PRKAG2: variants seen among roughly 807,000 people sequenced by gnomAD.
The protein encoded by PRKAG2 is protein kinase AMP-activated non-catalytic subunit gamma 2.
A neutral mutation model predicts 69.6 loss-of-function variants in PRKAG2; 26 were observed. That is an observed-to-expected ratio of 0.37 (90% CI 0.27 to 0.52). The LOEUF (loss-of-function observed/expected upper bound fraction) is 0.52, where lower values mean the gene tolerates loss of function less well. Among genes scored for constraint, PRKAG2 ranks in the 20% least tolerant of loss-of-function variants. PRKAG2 has a pLI of 0.90. For missense variants in PRKAG2, 557 were observed against 740.0 expected (o/e 0.75, Z 2.87); for synonymous variants, 293 against 285.0 (o/e 1.03, Z -0.28).
Position 151,567,605 on chromosome 7 carries a change from G to A in PRKAG2, c.1233+1111C>T, listed in dbSNP as rs1303532133. Among the ~76,000 whole-genome samples the A allele has an allele frequency of 2.0e-5, 3 of 152,038 alleles. No homozygotes were observed. Among genetic ancestry groups the A allele is most frequent in the South Asian group, 4.1e-4 (2 of 4,828 alleles). ...AGATGTCCAGTCTGATAAACAATGCGGATGCATCCCTAATCCCTTTTTCCT... is the reference window on the plus strand; with the variant it reads ...AGATGTCCAGTCTGATAAACAATGCAGATGCATCCCTAATCCCTTTTTCCT... On this transcript the variant is annotated intron_variant, in intron 11 of 15. Transcript: ENST00000287878. This position sits in a 1 kb window ranked among gnomAD's most constrained non-coding sequence, Gnocchi z 4.2.
At chr7:151,793,284 C>A (rs927605125) in intron 1 of PRKAG2, among the ~76,000 whole-genome samples, 1 of 152,212 alleles carries the variant, frequency 6.6e-6, no homozygotes, top group African/African-American at 2.4e-5. Context: ...GCGTGCACCG[C>A]CGGGGAAGGA....
intron 1 of PRKAG2, among the ~76,000 whole-genome samples, chr7:151,819,193 C>A (rs1164907227): frequency 6.6e-6 from 1 of 152,180 alleles, no homozygotes; most frequent in Admixed American, 6.5e-5. Context: ...CCTCCGAGGA[C>A]CCAGCTGCTG....
At chr7:151,874,601 C>T (rs1264118018) in intron 1 of PRKAG2, among the ~76,000 whole-genome samples, 6 of 151,954 alleles carry the variant, frequency 3.9e-5, no homozygotes, top group Non-Finnish European at 7.4e-5. Flanking sequence ...AGAGTTTTCC[C>T]GGGATGGGTG....
intron 3 of PRKAG2, among the ~76,000 whole-genome samples, chr7:151,772,805 C>T (rs185431166): frequency 6.6e-6 from 1 of 151,694 alleles, no homozygotes; most frequent in African/African-American, 2.4e-5. Context: ...GGGCAATACA[C>T]TGAGACCCAA....
intron 3 of PRKAG2, among the ~76,000 whole-genome samples, chr7:151,751,232 G>C (rs921189297): frequency 4.0e-5 from 6 of 151,590 alleles, no homozygotes; most frequent in Non-Finnish European, 7.4e-5. Flanking sequence ...CAAGTAGCTG[G>C]GACTACAGGT....
intron 1 of PRKAG2, among the ~76,000 whole-genome samples, chr7:151,821,693 A>T (rs1528976): frequency 6.6e-6 from 1 of 152,012 alleles, no homozygotes; most frequent in Non-Finnish European, 1.5e-5. Flanking sequence ...TCCTGAGCAC[A>T]CCATGAAGGA....
chr7:151,570,333 A>C, intron 9 of PRKAG2, 108 bp from the exon 10 acceptor site: 2 of 1,264,268 alleles, frequency 1.6e-6, no homozygotes, highest in Non-Finnish European at 2.2e-6. Flanking sequence ...GAAGGATTAA[A>C]AACTCAAATA....
At chr7:151,652,654 T>C (rs181306928) in intron 4 of PRKAG2, among the ~76,000 whole-genome samples, 10 of 152,254 alleles carry the variant, frequency 6.6e-5, no homozygotes, top group Admixed American at 5.9e-4. Flanking sequence ...TGGGTCTCTT[T>C]TTTCTTTTTG....
At position 151,721,077 on chromosome 7, in the gene PRKAG2, T is replaced by C. The variant is rs1321126226; in HGVS notation, c.467-45440A>G. On this transcript the variant is annotated intron_variant, in intron 3 of 15. Coordinates refer to ENST00000287878, the MANE Select transcript of PRKAG2 (RefSeq NM_016203.4). Reference sequence around the variant, plus strand: ...AGGGGCATGAAGGGGGCAGAGGGGATGGAGGGGACACAGAGGGCAGAGGGG... The same window carrying C: ...AGGGGCATGAAGGGGGCAGAGGGGACGGAGGGGACACAGAGGGCAGAGGGG... Among the ~76,000 whole-genome samples, 12 of 67,000 alleles carry C rather than the reference T, an allele frequency of 1.8e-4. No homozygotes were observed. In the East Asian group the frequency reaches 4.3e-3, roughly 24 times the overall value. 44.0% of individuals were successfully genotyped at this position (67,000 alleles called of 152,430 possible).
rs1825022962 is a variant in PRKAG2 at position 151,632,848 on chromosome 7, C to G, written c.685-710G>C. The G allele has an allele frequency of 6.6e-6, 1 of 152,552 alleles. No homozygotes were observed. Among genetic ancestry groups the G allele is most frequent in the Non-Finnish European group, 1.5e-5 (1 of 68,406 alleles). 9.4% of individuals were successfully genotyped at this position (152,552 alleles called of 1,614,324 possible). On this transcript the variant is annotated intron_variant, in intron 4 of 15. Transcript: ENST00000287878. This position sits in a 1 kb window ranked among gnomAD's most constrained non-coding sequence, Gnocchi z 4.2. ...GCATGGAACTCTTAATTCGCGTCCT[C>G]TCTTCGCAGCCGAGTGTCTTCTCGG...
At position 151,725,389 on chromosome 7, in the gene PRKAG2, C is replaced by T. The variant is rs1384365064; in HGVS notation, c.467-49752G>A. On this transcript the variant is annotated intron_variant, in intron 3 of 15. Transcript: ENST00000287878. The stretch of plus-strand genomic sequence containing the variant: ...GTGGCCTCCAGGGGCTGGGGAGGAG[C>T]ATGGGGAGTCAGGGTTGATGGGCCA... Among the ~76,000 whole-genome samples, 4 of 151,880 alleles carry T rather than the reference C, an allele frequency of 2.6e-5. No homozygotes were observed. The East Asian group carries it at 7.7e-4, about 29-fold the overall frequency.
Position 151,784,081 on chromosome 7 carries a change from C to T in PRKAG2, c.186+2389G>A, listed in dbSNP as rs547144556. On this transcript the variant is annotated intron_variant, in intron 2 of 15. Transcript: ENST00000287878. ...CATAAGCTGGTCCTGGGTGGAGGCC[C>T]GGGTTTGGTCACAGCTCAGTTTCCC... Among the ~76,000 whole-genome samples, 61 of 152,138 alleles carry T rather than the reference C, an allele frequency of 4.0e-4. 1 individual carries two copies. Among genetic ancestry groups the T allele is most frequent in the African/African-American group, 1.3e-3 (53 of 41,504 alleles).
In PRKAG2 at chr7:151,556,514, C is replaced by A. The variant is rs1460763062; in HGVS notation, c.*687G>T. The A allele has an allele frequency of 1.3e-5, 2 of 152,672 alleles. No individual in the cohort carries two copies. Among genetic ancestry groups the A allele is most frequent in the Non-Finnish European group, 2.9e-5 (2 of 68,054 alleles). 9.5% of individuals were successfully genotyped at this position (152,672 alleles called of 1,614,324 possible). Reference sequence around the variant, plus strand: ...CCAAACTTAAATAATGAGAAATTTGCCATTTCAAAATAACTGAGAGTTTAT... The same window carrying A: ...CCAAACTTAAATAATGAGAAATTTGACATTTCAAAATAACTGAGAGTTTAT... On this transcript the variant is annotated 3_prime_UTR_variant, in exon 16 of 16. Coordinates refer to ENST00000287878, the MANE Select transcript of PRKAG2 (RefSeq NM_016203.4).
At chr7:151,624,571 C>T (rs1011863885) in intron 5 of PRKAG2, among the ~76,000 whole-genome samples, 2 of 152,160 alleles carry the variant, frequency 1.3e-5, no homozygotes, top group South Asian at 2.1e-4. Flanking sequence ...GGCTCTGTTC[C>T]CCCTAACCTT....
intron 3 of PRKAG2, among the ~76,000 whole-genome samples, chr7:151,695,943 C>T (rs76061449): frequency 0.013 from 1,993 of 152,214 alleles, 22 homozygotes; most frequent in African/African-American, 0.017. Flanking sequence ...GGTGTTCATC[C>T]GGGCAGAGGA....
intron 1 of PRKAG2, among the ~76,000 whole-genome samples, chr7:151,808,911 T>C (rs920950877): frequency 1.3e-5 from 2 of 152,164 alleles, no homozygotes; most frequent in Non-Finnish European, 2.9e-5. Context: ...AGTGGGGCAC[T>C]TAAAGCTCCT....
intron 1 of PRKAG2, among the ~76,000 whole-genome samples, chr7:151,815,115 C>T (rs2078602639): frequency 6.6e-6 from 1 of 152,062 alleles, no homozygotes; most frequent in East Asian, 1.9e-4. Flanking sequence ...GGGTTTTTTT[C>T]CCCTCTGGCC....
chr7:151,814,834 C>A lies in PRKAG2; in HGVS notation c.115-28293G>T. On this transcript the variant is annotated intron_variant, in intron 1 of 15. Transcript: ENST00000287878. This position sits in a 1 kb window ranked among gnomAD's most constrained non-coding sequence, Gnocchi z 4.8. ...CATTGACGGGACTGCAGCAAACTGT[C>A]ATTCCCACCTGTGTCAGGCGCTGCT... 2 of 1,231,804 alleles carry A rather than the reference C, an allele frequency of 1.6e-6. No individual in the cohort carries two copies. The highest frequency in any genetic ancestry group is 8.2e-5 in the South Asian group (2 of 24,308). The allele number at this position is 1,231,804 out of a possible 1,614,324, so 76.3% of individuals were successfully genotyped here.
rs1169634738 is a variant in PRKAG2 at position 151,850,670 on chromosome 7, T to C, written c.114+25837A>G. On this transcript the variant is annotated intron_variant, in intron 1 of 15. Transcript: ENST00000287878. The surrounding 1 kb of genome is among the most constrained non-coding windows in gnomAD (Gnocchi z 4.1). ...CTCCATCGTCCTGTGTCCAGGAACA[T>C]GGCCCTTGTGCCCCACCAGCATCCA... Among the ~76,000 whole-genome samples the C allele has an allele frequency of 1.3e-5, 2 of 152,220 alleles. No individual in the cohort carries two copies. Among genetic ancestry groups the C allele is most frequent in the African/African-American group, 2.4e-5 (1 of 41,462 alleles).
Sources: allele counts gnomAD v4.1 joint callset (sites outside exome capture counted in the v4.1 genomes callset), GRCh38; gene constraint gnomAD v4.1.1; non-coding constraint Gnocchi (gnomAD v3.1); transcripts MANE v1.5; gene names NCBI Gene and HGNC (gene_info 2026-07-23, HGNC 2026-07-21).